The following USP34 variants were observed in gnomAD, a reference collection of about 807,000 sequenced individuals.
USP34 encodes ubiquitin carboxyl-terminal hydrolase 34.
Under a neutral mutation model 460.3 loss-of-function variants are expected in USP34, and 70 were observed. The observed-to-expected ratio is 0.15, with a 90% CI of 0.13 to 0.19. The LOEUF (loss-of-function observed/expected upper bound fraction) is 0.19. Ranked by LOEUF, USP34 falls within the 10% of genes least tolerant of loss-of-function variation. The pLI is 1.00. For synonymous variants in USP34, 1,647 were observed against 1,405.3 expected (o/e 1.17, Z -3.85); for missense variants, 3,985 against 4,236.2 (o/e 0.94, Z 1.65).
rs180973424 is a variant in USP34, at chr2:61,213,912, T to A, written c.8682+148A>T. On this transcript the variant is annotated intron_variant, in intron 68 of 79. Coordinates refer to ENST00000398571, the MANE Select transcript of USP34 (RefSeq NM_014709.4). Reference sequence around the variant, plus strand: ...TTTTATAACAACACAGCATTTTATATATGTATTTAAGAAAACAAATACACA... The same window carrying A: ...TTTTATAACAACACAGCATTTTATAAATGTATTTAAGAAAACAAATACACA... The A allele has an allele frequency of 1.6e-3, 1,515 of 966,100 alleles. 4 individuals carry two copies. Among genetic ancestry groups the A allele is most frequent in the Admixed American group, 3.6e-3 (117 of 32,768 alleles). 59.8% of individuals were successfully genotyped at this position (966,100 alleles called of 1,614,324 possible).
At chr2:61,410,669 C>G (rs1020051518) in intron 2 of USP34, among the ~76,000 whole-genome samples, 1 of 152,200 alleles carries the variant, frequency 6.6e-6, no homozygotes, top group Non-Finnish European at 1.5e-5. Flanking sequence ...ATAAACTTTA[C>G]TTGTTCTCTA....
At chr2:61,451,690 AAAAC>A (rs2104065669) in intron 1 of USP34, among the ~76,000 whole-genome samples, 1 of 152,136 alleles carries the variant, frequency 6.6e-6, no homozygotes, top group Admixed American at 6.6e-5. Context: ...CTCAAAAAAA[AAAAC>A]AAAAAAACAA....
In USP34 at chr2:61,339,680, T is replaced by C. The variant is rs751112069; in HGVS notation, c.2502A>G (p.Gly834=). The change falls in exon 17 of 80, where the codon GGA becomes GGG. Residue 834 remains glycine, a splice_region_variant and synonymous_variant. Coordinates refer to ENST00000398571, the MANE Select transcript of USP34 (RefSeq NM_014709.4). ...ASIYHEHLSQ[G]PVVHKHQFNS... Reference sequence around the variant, plus strand: ...TGAATTGATGTTTATGAACTACAGGTCCTGAAGAGAAAAAAAAAAAAAAGA... The same window carrying C: ...TGAATTGATGTTTATGAACTACAGGCCCTGAAGAGAAAAAAAAAAAAAAGA... The C allele has an allele frequency of 6.9e-7, 1 of 1,441,054 alleles. No individual in the cohort carries two copies. The highest frequency in any genetic ancestry group is 9.2e-7 in the Non-Finnish European group (1 of 1,089,798). The allele number at this position is 1,441,054 out of a possible 1,614,324, so 89.3% of individuals were successfully genotyped here.
intron 29 of USP34, 73 bp from the exon 30 acceptor site, chr2:61,296,998 T>A: frequency 6.7e-7 from 1 of 1,488,760 alleles, no homozygotes; most frequent in Non-Finnish European, 8.9e-7. Flanking sequence ...AATTTTTGCA[T>A]AAAGTAATGA....
intron 1 of USP34, among the ~76,000 whole-genome samples, chr2:61,462,336 G>A (rs1695626164): frequency 6.6e-6 from 1 of 151,772 alleles, no homozygotes; most frequent in Non-Finnish European, 1.5e-5. Flanking sequence ...ATCACTTGAG[G>A]CTAGGAGTTT....
chr2:61,393,117 C>T (rs1693404783), intron 5 of USP34, among the ~76,000 whole-genome samples: 1 of 152,092 alleles, frequency 6.6e-6, no homozygotes, highest in African/African-American at 2.4e-5. Flanking sequence ...CATCATCATT[C>T]CCATTTTGCA....
chr2:61,259,521 G>A (rs1016194722), intron 44 of USP34, among the ~76,000 whole-genome samples, 190 bp downstream of exon 44: 1 of 151,266 alleles, frequency 6.6e-6, no homozygotes, highest in Non-Finnish European at 1.5e-5. Flanking sequence ...CTAAGCAGCC[G>A]GGACTACAGG....
chr2:61,360,370 T>C (rs1017714589), intron 10 of USP34, among the ~76,000 whole-genome samples: 2 of 152,030 alleles, frequency 1.3e-5, no homozygotes, highest in Non-Finnish European at 2.9e-5. Context: ...CAAGTTAATA[T>C]AAAAAAATCA....
Position 61,395,378 on chromosome 2 carries a change from G to A in USP34, c.553-145C>T, listed in dbSNP as rs1693485678. 4 of 611,602 alleles carry A rather than the reference G, an allele frequency of 6.5e-6. No individual in the cohort carries two copies. In the South Asian group the frequency reaches 7.4e-5, roughly 11 times the overall value. The allele number at this position is 611,602 out of a possible 1,614,324, so 37.9% of individuals were successfully genotyped here. On this transcript the variant is annotated intron_variant, in intron 3 of 79. Coordinates refer to ENST00000398571, the MANE Select transcript of USP34 (RefSeq NM_014709.4). ...CTGATAAGCAGTGATACTCCTAACT[G>A]AAGCTAATAGGATTCAGCTCTAAGG...
rs760155082 is a variant in USP34, at chr2:61,228,901, C to T, written c.7294G>A (p.Val2432Ile). 3.1e-6 allele frequency: 5 copies of T among 1,609,548 alleles called. No individual in the cohort carries two copies. The highest frequency in any genetic ancestry group is 1.3e-5 in the African/African-American group (1 of 74,624). Residue 2432 changes from valine to isoleucine, a missense_variant, in exon 60 of 80, where the codon GTA (valine) becomes ATA (isoleucine). Coordinates refer to ENST00000398571, the MANE Select transcript of USP34 (RefSeq NM_014709.4). ...GTAAGATGTTTACTGTGAGGTTTTA[C>T]ACCATGTTCCATAATTAATAACAGG... Reference protein sequence around the residue: ...RTLLLIMEHGVKPHSKHLTEY... With the variant: ...RTLLLIMEHGIKPHSKHLTEY...
At chr2:61,457,316 GC>G (rs1158221032) in intron 1 of USP34, among the ~76,000 whole-genome samples, 2 of 152,072 alleles carry the variant, frequency 1.3e-5, no homozygotes, top group Non-Finnish European at 2.9e-5. Context: ...CATAGGAAGG[GC>G]CAAACTGAGG....
chr2:61,331,996 T>C (rs910432986), intron 19 of USP34, among the ~76,000 whole-genome samples: 3 of 152,136 alleles, frequency 2.0e-5, no homozygotes, highest in Non-Finnish European at 4.4e-5. Context: ...AAGTTCCATG[T>C]AATTTACATC....
chr2:61,212,171 G>A (rs143425462), intron 68 of USP34, among the ~76,000 whole-genome samples: 102 of 152,246 alleles, frequency 6.7e-4, no homozygotes, highest in African/African-American at 2.2e-3. Context: ...TCAGGAGTTC[G>A]AGACCAGCCA....
At chr2:61,374,543 T>A (rs899771515) in intron 8 of USP34, among the ~76,000 whole-genome samples, 7 of 152,174 alleles carry the variant, frequency 4.6e-5, no homozygotes, top group African/African-American at 1.4e-4. Context: ...CACTCTCATC[T>A]TGCTTCAGAG....
chr2:61,375,201 C>T (rs1385871280), intron 8 of USP34, among the ~76,000 whole-genome samples: 1 of 152,090 alleles, frequency 6.6e-6, no homozygotes, highest in Non-Finnish European at 1.5e-5. Flanking sequence ...TGATGAAATG[C>T]TACTTTACAC....
intron 43 of USP34, among the ~76,000 whole-genome samples, chr2:61,260,901 G>A (rs1688858642): frequency 6.6e-6 from 1 of 151,996 alleles, no homozygotes; most frequent in African/African-American, 2.4e-5. Context: ...CAACAACAAG[G>A]GAATTTTACT....
intron 10 of USP34, among the ~76,000 whole-genome samples, chr2:61,359,538 AT>A (rs1692211014): frequency 6.6e-6 from 1 of 152,150 alleles, no homozygotes; most frequent in Admixed American, 6.5e-5. Context: ...TTTGAAAATT[AT>A]TTCTTGGGTA....
At chr2:61,450,876 G>GT (rs1293536872) in intron 1 of USP34, among the ~76,000 whole-genome samples, 2 of 133,700 alleles carry the variant, frequency 1.5e-5, no homozygotes, top group African/African-American at 5.9e-5. Flanking sequence ...CAATAGAAAC[G>GT]GAGGAGATGC....
At chr2:61,336,448 C>G (rs528859219) in intron 18 of USP34, among the ~76,000 whole-genome samples, 2 of 151,558 alleles carry the variant, frequency 1.3e-5, no homozygotes, top group African/African-American at 4.8e-5. Context: ...TTTTAATTTT[C>G]CTACCTATAA....
Sources: allele counts gnomAD v4.1 joint callset (sites outside exome capture counted in the v4.1 genomes callset), GRCh38; gene constraint gnomAD v4.1.1; transcripts MANE v1.5; gene names NCBI Gene and HGNC (gene_info 2026-07-23, HGNC 2026-07-21).